Variants in TLX1 observed in about 807,000 individuals in gnomAD.
TLX1 encodes the protein T cell leukemia homeobox 1, also known as T-cell leukemia homeobox protein 1.
In TLX1, 6 loss-of-function variants were observed where a neutral mutation model predicts 26.5. The ratio of observed to expected loss-of-function variants is 0.23; its 90% CI spans 0.12 to 0.45. The LOEUF (loss-of-function observed/expected upper bound fraction) is 0.45, where lower values mean the gene tolerates loss of function less well. Ranked by LOEUF, TLX1 falls within the 20% of genes least tolerant of loss-of-function variation. The pLI, the probability that TLX1 is intolerant of heterozygous loss-of-function variation, is 0.99. For missense variants in TLX1, 418 were observed against 482.6 expected (o/e 0.87, Z 1.25); for synonymous variants, 217 against 219.7 (o/e 0.99, Z 0.11).
intron 2 of TLX1, 37 bp from the exon 3 acceptor site, chr10:101,136,654 G>A (rs778818365): frequency 1.9e-6 from 3 of 1,612,664 alleles, no homozygotes; most frequent in Non-Finnish European, 2.5e-6. Context: ...GAGCTGGGTC[G>A]GTGCTCCTGG....
chr10:101,134,070 G>A lies in TLX1; in HGVS notation c.569-105G>A, dbSNP rs979551315. 6 of 1,073,578 alleles carry A rather than the reference G, an allele frequency of 5.6e-6. No individual in the cohort carries two copies. The African/African-American group carries it at 9.6e-5, about 17-fold the overall frequency. 66.5% of individuals were successfully genotyped at this position (1,073,578 alleles called of 1,614,324 possible). A position where few individuals can be genotyped will look rare whatever the true frequency, so the allele number is the denominator to read the frequency against. On this transcript the variant is annotated intron_variant, in intron 1 of 2. Transcript: ENST00000370196. ...GCTGCTGCGCTCGCTGACTCGCGGG[G>A]TGTTGGGCCTGGGACGCTTCCTGAC... is the stretch of plus-strand genomic sequence containing the variant.
In TLX1 at chr10:101,131,937, C is replaced by T; in HGVS notation, c.396C>T (p.Ile132=). The part of the protein sequence containing the change: ...GAGALSAAGV[I]RVPAHRPLAG... ...GGGCACTCAGCGCTGCGGGGGTAAT[C>T]CGGGTGCCGGCACACAGGCCGCTCG... The change falls in exon 1 of 3, where the codon ATC becomes ATT. Residue 132 remains isoleucine, a synonymous_variant. Coordinates refer to ENST00000370196, the MANE Select transcript of TLX1 (RefSeq NM_005521.4). 1 of 1,433,376 alleles carries T rather than the reference C, an allele frequency of 7.0e-7. No individual in the cohort carries two copies. The highest frequency in any genetic ancestry group is 9.1e-7 in the Non-Finnish European group (1 of 1,098,424). 88.8% of individuals were successfully genotyped at this position (1,433,376 alleles called of 1,614,324 possible). A position where few individuals can be genotyped will look rare whatever the true frequency, so the allele number is the denominator to read the frequency against.
In TLX1 at chr10:101,132,169, C is replaced by A; in HGVS notation, c.568+60C>A. 1 of 1,279,384 alleles carries A rather than the reference C, an allele frequency of 7.8e-7. No individual in the cohort carries two copies. Among genetic ancestry groups the A allele is most frequent in the Non-Finnish European group, 9.9e-7 (1 of 1,011,504 alleles). The allele number at this position is 1,279,384 out of a possible 1,614,324, so 79.3% of individuals were successfully genotyped here. ...GGCCCGGGCTCCGTGCTACCCCTGC[C>A]CCGCCGGGTGGCTCCCCAAAGCCGG... On this transcript the variant is annotated intron_variant, in intron 1 of 2. Coordinates refer to ENST00000370196, the MANE Select transcript of TLX1 (RefSeq NM_005521.4). The surrounding 1 kb of genome is among the most constrained non-coding windows in gnomAD (Gnocchi z 4.1).
chr10:101,133,586 C>G (rs1940225765), intron 1 of TLX1, among the ~76,000 whole-genome samples: 1 of 151,616 alleles, frequency 6.6e-6, no homozygotes, highest in African/African-American at 2.4e-5. Flanking sequence ...TACCGCGGGG[C>G]CCTAATACTG....
In TLX1 at chr10:101,132,192, C is replaced by A; in HGVS notation, c.568+83C>A. On this transcript the variant is annotated intron_variant, in intron 1 of 2. Coordinates refer to ENST00000370196, the MANE Select transcript of TLX1 (RefSeq NM_005521.4). The surrounding 1 kb of genome is among the most constrained non-coding windows in gnomAD (Gnocchi z 4.1). Reference sequence around the variant, plus strand: ...GCCCCGCCGGGTGGCTCCCCAAAGCCGGTTCTGCGCTCCAGGTCGCCCAGC... The same window carrying A: ...GCCCCGCCGGGTGGCTCCCCAAAGCAGGTTCTGCGCTCCAGGTCGCCCAGC... 1 of 1,194,280 alleles carries A rather than the reference C, an allele frequency of 8.4e-7. No individual in the cohort carries two copies. Among genetic ancestry groups the A allele is most frequent in the Non-Finnish European group, 1.1e-6 (1 of 940,828 alleles). The allele number at this position is 1,194,280 out of a possible 1,614,324, so 74.0% of individuals were successfully genotyped here.
At position 101,134,386 on chromosome 10, in the gene TLX1, C is replaced by A; in HGVS notation, c.770+10C>A. ...GGCGGACAAAGTGGAGGTGAGCAAG[C>A]GGGGCGGGCCGGCCGCCCGCGAGCG... On this transcript the variant is annotated intron_variant, in intron 2 of 2. Transcript: ENST00000370196. 1.3e-6 allele frequency: 2 copies of A among 1,545,664 alleles called. No homozygotes were observed. The highest frequency in any genetic ancestry group is 1.4e-5 in the African/African-American group (1 of 71,868).
At chr10:101,135,848 A>G (rs1940284185) in intron 2 of TLX1, among the ~76,000 whole-genome samples, 1 of 152,208 alleles carries the variant, frequency 6.6e-6, no homozygotes. Context: ...CAAAGCCTAA[A>G]AGAGAAATAT....
chr10:101,135,419 CACA>C (rs1395995558), intron 2 of TLX1: 2 of 154,414 alleles, frequency 1.3e-5, no homozygotes, highest in Non-Finnish European at 2.9e-5. Context: ...ACGATTCTAC[CACA>C]ACATTTCTGA....
chr10:101,136,603 G>A (rs1940298723), intron 2 of TLX1, 88 bp from the exon 3 acceptor site: 2 of 1,608,304 alleles, frequency 1.2e-6, no homozygotes, highest in Non-Finnish European at 1.7e-6. Context: ...CGCTCGTTCA[G>A]TTTATCTCCT....
At position 101,134,293 on chromosome 10, in the gene TLX1, C is replaced by A; in HGVS notation, c.687C>A (p.Ala229=). 1 of 1,612,450 alleles carries A rather than the reference C, an allele frequency of 6.2e-7. No homozygotes were observed. The highest frequency in any genetic ancestry group is 8.5e-7 in the Non-Finnish European group (1 of 1,179,532). Residue 229 remains alanine, a synonymous_variant, in exon 2 of 3, where the codon GCC becomes GCA. Transcript: ENST00000370196. ...RFHRQKYLAS[A]ERAALAKALK... is the part of the protein sequence containing the mutation. ...ACCGCCAGAAGTACCTGGCCTCGGCCGAGCGCGCCGCCCTGGCCAAGGCGC... is the reference window on the plus strand; with the variant it reads ...ACCGCCAGAAGTACCTGGCCTCGGCAGAGCGCGCCGCCCTGGCCAAGGCGC...
Position 101,131,941 on chromosome 10 carries a change from G to A in TLX1, c.400G>A (p.Val134Met), listed in dbSNP as rs754008544. ...ACTCAGCGCTGCGGGGGTAATCCGG[G>A]TGCCGGCACACAGGCCGCTCGCCGG... ...GALSAAGVIR[V>M]PAHRPLAGAV... The change falls in exon 1 of 3, where the codon GTG (valine) becomes ATG (methionine). Residue 134 changes from valine (V) to methionine (M), a missense_variant. Physicochemically the swap from Val to Met is conservative, Grantham distance 21 (BLOSUM62 1). Coordinates refer to ENST00000370196, the MANE Select transcript of TLX1 (RefSeq NM_005521.4). The A allele has an allele frequency of 6.2e-5, 90 of 1,440,486 alleles. No individual in the cohort carries two copies. Among genetic ancestry groups the A allele is most frequent in the Non-Finnish European group, 7.7e-5 (85 of 1,101,700 alleles). The allele number at this position is 1,440,486 out of a possible 1,614,324, so 89.2% of individuals were successfully genotyped here.
chr10:101,134,143 C>A, intron 1 of TLX1, 32 bp from the exon 2 acceptor site: 3 of 1,549,182 alleles, frequency 1.9e-6, no homozygotes, highest in Admixed American at 2.1e-5. Flanking sequence ...CTCCAGTGGC[C>A]CTCTCACCCT....
At position 101,137,114 on chromosome 10, in the gene TLX1, C is replaced by T; in HGVS notation, c.*201C>T. ...AGAGCTCAAGGGACAAGGACACGCG[C>T]CCCCCTCCCAGAGGCGTCCCGCACC... On this transcript the variant is annotated 3_prime_UTR_variant, in exon 3 of 3. Coordinates refer to ENST00000370196, the MANE Select transcript of TLX1 (RefSeq NM_005521.4). The T allele has an allele frequency of 3.1e-6, 2 of 653,898 alleles. No homozygotes were observed. The highest frequency in any genetic ancestry group is 3.0e-5 in the Admixed American group (1 of 33,842). 40.5% of individuals were successfully genotyped at this position (653,898 alleles called of 1,614,324 possible). A position where few individuals can be genotyped will look rare whatever the true frequency, so the allele number is the denominator to read the frequency against.
At chr10:101,134,862 G>T (rs1034036947) in intron 2 of TLX1, among the ~76,000 whole-genome samples, 1 of 152,178 alleles carries the variant, frequency 6.6e-6, no homozygotes, top group African/African-American at 2.4e-5. Context: ...CCCTGCTGAC[G>T]GTCTCCTCCC....
At position 101,137,364 on chromosome 10, in the gene TLX1, G is replaced by C; in HGVS notation, c.*451G>C. On this transcript the variant is annotated 3_prime_UTR_variant, in exon 3 of 3. Coordinates refer to ENST00000370196, the MANE Select transcript of TLX1 (RefSeq NM_005521.4). Reference sequence around the variant, plus strand: ...AGGTGGTGTCACTGTCCCTCCTGGTGTCACCCCAGAGCCACACATGGGCAT... The same window carrying C: ...AGGTGGTGTCACTGTCCCTCCTGGTCTCACCCCAGAGCCACACATGGGCAT... 1 of 277,198 alleles carries C rather than the reference G, an allele frequency of 3.6e-6. No homozygotes were observed. The highest frequency in any genetic ancestry group is 9.6e-5 in the South Asian group (1 of 10,464). The allele number at this position is 277,198 out of a possible 1,614,324, so 17.2% of individuals were successfully genotyped here.
In TLX1 at chr10:101,131,362, A is replaced by T; in HGVS notation, c.-180A>T. ...GGGGAAGCAGAAGCCAGAGAGGGGA[A>T]GAATACGGCGCCCCCTCTCTCCCTC... is the stretch of plus-strand genomic sequence containing the variant. On this transcript the variant is annotated 5_prime_UTR_variant, in exon 1 of 3. The change creates a new upstream start codon in the 5' untranslated region. Coordinates refer to ENST00000370196, the MANE Select transcript of TLX1 (RefSeq NM_005521.4). 2.3e-6 allele frequency: 1 copy of T among 432,812 alleles called. No individual in the cohort carries two copies. The highest frequency in any genetic ancestry group is 4.0e-6 in the Non-Finnish European group (1 of 250,318). The allele number at this position is 432,812 out of a possible 1,614,324, so 26.8% of individuals were successfully genotyped here. A position where few individuals can be genotyped will look rare whatever the true frequency, so the allele number is the denominator to read the frequency against.
chr10:101,136,478 T>A (rs972401010), intron 2 of TLX1, among the ~76,000 whole-genome samples: 6 of 152,230 alleles, frequency 3.9e-5, no homozygotes, highest in Non-Finnish European at 5.9e-5. Context: ...TCCTCTGGGA[T>A]ACCTTGGCTC....
rs768417758 is a variant in TLX1, at chr10:101,131,836, G to C, written c.295G>C (p.Gly99Arg). 6 of 1,408,954 alleles carry C rather than the reference G, an allele frequency of 4.3e-6. No homozygotes were observed. Among genetic ancestry groups the C allele is most frequent in the South Asian group, 3.2e-5 (2 of 63,004 alleles). The allele number at this position is 1,408,954 out of a possible 1,614,324, so 87.3% of individuals were successfully genotyped here. A position where few individuals can be genotyped will look rare whatever the true frequency, so the allele number is the denominator to read the frequency against. The stretch of plus-strand genomic sequence containing the variant: ...CGCCTGCAGCATGGGTCCTCTGACC[G>C]GCTCCTACAACGTGAACATGGCCTT... ...GGACSMGPLT[G>R]SYNVNMALAG... The change falls in exon 1 of 3, where the codon GGC (glycine) becomes CGC (arginine). Residue 99 changes from glycine (G) to arginine (R), a missense_variant. Gly to Arg is a moderately radical substitution (Grantham distance 125). Coordinates refer to ENST00000370196, the MANE Select transcript of TLX1 (RefSeq NM_005521.4).
At position 101,132,050 on chromosome 10, in the gene TLX1, C is replaced by A; in HGVS notation, c.509C>A (p.Thr170Asn). The change falls in exon 1 of 3, where the codon ACT becomes AAT. Residue 170 changes from threonine (T) to asparagine (N), a missense_variant. Transcript: ENST00000370196. The surrounding 1 kb of genome is among the most constrained non-coding windows in gnomAD (Gnocchi z 4.1). ...GCCATGCCGGGCGTCAACAACCTCA[C>A]TGGCCTCACCTTCCCCTGGATGGAG... ...VPAMPGVNNL[T>N]GLTFPWMESN... is the part of the protein sequence containing the mutation. 6.7e-7 allele frequency: 1 copy of A among 1,498,778 alleles called. No homozygotes were observed. The highest frequency in any genetic ancestry group is 1.3e-5 in the South Asian group (1 of 77,270). The allele number at this position is 1,498,778 out of a possible 1,614,324, so 92.8% of individuals were successfully genotyped here.
Sources: gnomAD v4.1 joint callset for allele counts (sites outside exome capture counted in the v4.1 genomes callset) on GRCh38, gnomAD v4.1.1 for gene constraint, Gnocchi (gnomAD v3.1) non-coding constraint, MANE v1.5 for transcripts, NCBI Gene and HGNC (gene_info 2026-07-23, HGNC 2026-07-21) for gene names.